Variants in ABCB7 observed in about 807,000 individuals in gnomAD.
The protein encoded by ABCB7 is ATP binding cassette subfamily B member 7.
A neutral mutation model predicts 54.4 loss-of-function variants in ABCB7; 7 were observed. The observed-to-expected ratio is 0.13, with a 90% CI of 0.07 to 0.24. The LOEUF is 0.24. Ranked by LOEUF, ABCB7 falls within the 10% of genes least tolerant of loss-of-function variation. The probability of loss-of-function intolerance (pLI) is 1.00; values close to 1 mark genes in which losing one functional copy is unlikely to be tolerated. For synonymous variants in ABCB7, 218 were observed against 207.1 expected (o/e 1.05, Z -0.45); for missense variants, 356 against 570.4 (o/e 0.62, Z 3.83).
chrX:75,130,397 T>A (rs771526123), intron 1 of ABCB7, among the ~76,000 whole-genome samples: 29 of 112,018 alleles, frequency 2.6e-4, no homozygotes, highest in Non-Finnish European at 5.3e-4. Flanking sequence ...GGGGAGTGTA[T>A]AATGAAAAAA....
intron 1 of ABCB7, among the ~76,000 whole-genome samples, chrX:75,154,046 G>A (rs1482880621): frequency 1.8e-5 from 2 of 109,693 alleles, no homozygotes; most frequent in Non-Finnish European, 3.8e-5. Flanking sequence ...GGTACCTCAG[G>A]TTACCTCAGC....
At chrX:75,136,244 C>A (rs1486696880) in intron 1 of ABCB7, among the ~76,000 whole-genome samples, 1 of 110,934 alleles carries the variant, frequency 9.0e-6, no homozygotes, top group African/African-American at 3.3e-5. Flanking sequence ...ATCCCATTCA[C>A]AATAGCAACA....
intron 1 of ABCB7, among the ~76,000 whole-genome samples, chrX:75,115,266 C>CAAAAAAAAAAAAA (rs1160024642): frequency 3.0e-4 from 4 of 13,252 alleles, no homozygotes; most frequent in East Asian, 3.9e-3. Context: ...GACTCTGTCT[C>CAAAAAAAAAAAAA]AAAAAAAAAA....
chrX:75,118,398 C>CT (rs547804880), intron 1 of ABCB7, among the ~76,000 whole-genome samples: 1,512 of 98,274 alleles, frequency 0.015, 12 homozygotes, highest in Middle Eastern at 0.032. Context: ...TTTAAAAGGC[C>CT]TTTTTTTTTT....
At chrX:75,084,688 AAAC>A (rs1344113775) in intron 4 of ABCB7, among the ~76,000 whole-genome samples, 3 of 112,025 alleles carry the variant, frequency 2.7e-5, no homozygotes, top group African/African-American at 9.7e-5. Flanking sequence ...GGGGATTAAA[AAAC>A]AAGCTACAGA....
intron 1 of ABCB7, among the ~76,000 whole-genome samples, chrX:75,149,762 C>T (rs2082118193): frequency 9.0e-6 from 1 of 110,936 alleles, no homozygotes; most frequent in Non-Finnish European, 1.9e-5. Context: ...AAATCAAAGT[C>T]TTATTAGCTT....
intron 10 of ABCB7, among the ~76,000 whole-genome samples, chrX:75,070,020 A>G (rs1325283857): frequency 9.0e-6 from 1 of 110,607 alleles, no homozygotes. Flanking sequence ...GATTACAGGC[A>G]TGTGCCATCA....
At chrX:75,064,742 A>G (rs766812400) in intron 13 of ABCB7, among the ~76,000 whole-genome samples, 2 of 111,437 alleles carry the variant, frequency 1.8e-5, no homozygotes, top group Non-Finnish European at 1.9e-5. Context: ...TTTCCCAGGT[A>G]AAGAACGATC....
At chrX:75,142,349 A>G (rs1343876981) in intron 1 of ABCB7, among the ~76,000 whole-genome samples, 2 of 112,105 alleles carry the variant, frequency 1.8e-5, no homozygotes, top group African/African-American at 3.2e-5. Flanking sequence ...ATGACAAGGG[A>G]AAAAAGTCTG....
At chrX:75,110,078 G>A (rs1436924131) in intron 3 of ABCB7, among the ~76,000 whole-genome samples, 5 of 111,833 alleles carry the variant, frequency 4.5e-5, no homozygotes, top group Admixed American at 9.5e-5. Context: ...TTTGTTTTCC[G>A]AGCTTTGTTG....
intron 13 of ABCB7, among the ~76,000 whole-genome samples, chrX:75,064,228 C>G (rs2081301580): frequency 9.0e-6 from 1 of 111,606 alleles, no homozygotes; most frequent in African/African-American, 3.2e-5. Context: ...ATTTTTTTAA[C>G]TTTCAAATCA....
chrX:75,132,332 AG>A (rs2081980325), intron 1 of ABCB7, among the ~76,000 whole-genome samples: 1 of 113,102 alleles, frequency 8.8e-6, no homozygotes, highest in Non-Finnish European at 1.9e-5. Flanking sequence ...AGCACCAGGC[AG>A]GGAACTCTGG....
At chrX:75,135,850 T>G (rs2082005478) in intron 1 of ABCB7, among the ~76,000 whole-genome samples, 1 of 110,964 alleles carries the variant, frequency 9.0e-6, no homozygotes, top group Non-Finnish European at 1.9e-5. Context: ...GAGAGCCATC[T>G]AAGACAAACC....
Position 75,063,527 on chromosome X carries a change from C to T in ABCB7, c.1832-1096G>A, listed in dbSNP as rs4148841. Among the ~76,000 whole-genome samples, 462 of 110,602 alleles carry T rather than the reference C, an allele frequency of 4.2e-3. 7 individuals are homozygous for T. The highest frequency in any genetic ancestry group is 0.03 in the East Asian group (105 of 3,541). ...TAAGTTTATATTTATGCTAGCCATA[C>T]GCTTCCCCACCTCACAGGATCAAAA... is the stretch of plus-strand genomic sequence containing the variant. On this transcript the variant is annotated intron_variant, in intron 13 of 15. Coordinates refer to ENST00000373394, the MANE Select transcript of ABCB7 (RefSeq NM_001271696.3).
At chrX:75,116,695 T>A (rs1032710755) in intron 1 of ABCB7, among the ~76,000 whole-genome samples, 7 of 111,196 alleles carry the variant, frequency 6.3e-5, no homozygotes, top group African/African-American at 2.0e-4. Context: ...AGCAACTCCA[T>A]CTTGAGTAGG....
At chrX:75,154,406 T>C (rs1278244301) in intron 1 of ABCB7, among the ~76,000 whole-genome samples, 1 of 112,445 alleles carries the variant, frequency 8.9e-6, no homozygotes, top group Non-Finnish European at 1.9e-5. Flanking sequence ...ACAAATTTTA[T>C]CTTAACTTCA....
intron 9 of ABCB7, 43 bp downstream of exon 9, chrX:75,071,466 A>G (rs778824146): frequency 1.3e-5 from 15 of 1,187,322 alleles, no homozygotes; most frequent in Non-Finnish European, 1.5e-5. Flanking sequence ...TTTATTTATA[A>G]AAGTTGAACA....
chrX:75,130,056 C>T (rs1472193926), intron 1 of ABCB7, among the ~76,000 whole-genome samples: 1 of 111,387 alleles, frequency 9.0e-6, no homozygotes, highest in Non-Finnish European at 1.9e-5. Context: ...GGAGATAACC[C>T]ATTCCTAACA....
At chrX:75,063,562 C>T (rs2081296315) in intron 13 of ABCB7, among the ~76,000 whole-genome samples, 1 of 110,812 alleles carries the variant, frequency 9.0e-6, no homozygotes, top group Non-Finnish European at 1.9e-5. Flanking sequence ...ATTCTCCTAA[C>T]AAGGCAGGTA....
Sources: gnomAD v4.1 joint callset for allele counts (sites outside exome capture counted in the v4.1 genomes callset) on GRCh38, gnomAD v4.1.1 for gene constraint, MANE v1.5 for transcripts, NCBI Gene and HGNC (gene_info 2026-07-23, HGNC 2026-07-21) for gene names.